PHTF2: variants seen among roughly 807,000 people sequenced by gnomAD.
PHTF2 encodes the protein protein PHTF2.
PHTF2 carries 60 observed loss-of-function variants against 101.2 expected under a neutral mutation model. The ratio of observed to expected loss-of-function variants is 0.59; its 90% CI spans 0.48 to 0.73. PHTF2 has a LOEUF of 0.73. PHTF2 is among the 30% of genes least tolerant of loss of function. PHTF2 has a pLI of 0.00. For synonymous variants in PHTF2, 311 were observed against 307.3 expected, an observed-to-expected ratio of 1.01 and a Z score of -0.13; for missense variants, 747 against 908.7, an observed-to-expected ratio of 0.82 and a Z score of 2.29.
chr7:77,826,231 G>A (rs1269820607), intron 1 of PHTF2, among the ~76,000 whole-genome samples: 2 of 152,134 alleles, frequency 1.3e-5, no homozygotes, highest in Admixed American at 6.5e-5. Context: ...AAAAATTCAA[G>A]ATGGCTGAAT....
chr7:77,913,172 G>T (rs1472223595), intron 9 of PHTF2, among the ~76,000 whole-genome samples: 1 of 152,084 alleles, frequency 6.6e-6, no homozygotes, highest in African/African-American at 2.4e-5. Flanking sequence ...TGGATCACCT[G>T]AGGTCAGGAG....
intron 5 of PHTF2, among the ~76,000 whole-genome samples, chr7:77,895,366 A>C (rs941852647): frequency 9.9e-5 from 15 of 152,134 alleles, no homozygotes; most frequent in African/African-American, 3.6e-4. Context: ...TAAAGAAGGA[A>C]AGAGAAGTAG....
intron 3 of PHTF2, among the ~76,000 whole-genome samples, chr7:77,867,678 A>G (rs964911713): frequency 3.2e-4 from 49 of 152,230 alleles, no homozygotes; most frequent in African/African-American, 1.2e-3. Context: ...GAAAGGGCGC[A>G]GCTAAGGAGT....
chr7:77,863,433 T>G (rs906481802), intron 3 of PHTF2, among the ~76,000 whole-genome samples: 12 of 152,184 alleles, frequency 7.9e-5, no homozygotes, highest in Non-Finnish European at 1.8e-4. Flanking sequence ...CTGTGACACT[T>G]TATTATATGG....
At chr7:77,909,056 T>G in intron 8 of PHTF2, 98 bp downstream of exon 7, 1 of 665,106 alleles carries the variant, frequency 1.5e-6, no homozygotes, top group Non-Finnish European at 2.3e-6. Flanking sequence ...AAATCTTATC[T>G]TGTAAGGTTG....
intron 1 of PHTF2, among the ~76,000 whole-genome samples, chr7:77,825,495 A>C (rs1210070515): frequency 6.6e-6 from 1 of 152,252 alleles, no homozygotes; most frequent in African/African-American, 2.4e-5. Context: ...GTTAAGGGCA[A>C]GAGCCAAAGC....
chr7:77,900,664 G>T (rs1299842163), intron 5 of PHTF2, 47 bp from the exon 5 acceptor site: 4 of 927,434 alleles, frequency 4.3e-6, no homozygotes, highest in Non-Finnish European at 7.2e-6. Flanking sequence ...TCCTGTTCTA[G>T]ATTTAAGTAT....
chr7:77,868,052 C>T (rs545638854), intron 3 of PHTF2, among the ~76,000 whole-genome samples: 2 of 152,076 alleles, frequency 1.3e-5, no homozygotes, highest in African/African-American at 4.8e-5. Flanking sequence ...TTTTTTCCCC[C>T]CATTCTATAT....
intron 3 of PHTF2, among the ~76,000 whole-genome samples, chr7:77,876,402 T>A (rs970019809): frequency 1.3e-5 from 2 of 152,234 alleles, no homozygotes; most frequent in African/African-American, 4.8e-5. Context: ...TCAATTTTTA[T>A]AAATGCGTCT....
chr7:77,821,124 C>T (rs370034519), intron 1 of PHTF2, among the ~76,000 whole-genome samples: 1,852 of 101,358 alleles, frequency 0.018, 15 homozygotes, highest in Middle Eastern at 0.046. Flanking sequence ...TCTTGGATGG[C>T]AGTTTTTTTT....
At position 77,840,007 on chromosome 7, in the gene PHTF2, T is replaced by C. The variant is rs565260441; in HGVS notation, c.-35-214T>C. 1.4e-5 allele frequency: 5 copies of C among 356,028 alleles called. No homozygotes were observed. In the East Asian group the frequency reaches 2.1e-4, roughly 15 times the overall value. 22.1% of individuals were successfully genotyped at this position (356,028 alleles called of 1,614,324 possible). On this transcript the variant is annotated intron_variant, in intron 1 of 19. Transcript: ENST00000416283. ...TTTGTAAGAAAACAAGTGTTATTTA[T>C]TCATGCAAATAGAACTTTCTATTAT...
intron 11 of PHTF2, among the ~76,000 whole-genome samples, chr7:77,928,126 C>A (rs1347842921): frequency 2.7e-5 from 4 of 148,466 alleles, no homozygotes; most frequent in Non-Finnish European, 5.9e-5. Context: ...AAAGGAAAGA[C>A]AAAAGGATAA....
intron 9 of PHTF2, among the ~76,000 whole-genome samples, chr7:77,919,615 GA>G (rs370541909): frequency 2.0e-5 from 3 of 150,960 alleles, no homozygotes; most frequent in African/African-American, 4.9e-5. Context: ...TTTATGTGTT[GA>G]AAAAAAAATT....
chr7:77,920,411 T>C (rs1265485119), exon 10 of PHTF2: 4 of 1,613,628 alleles, frequency 2.5e-6, no homozygotes, highest in Non-Finnish European at 3.4e-6. Context: ...GTGAAACTAT[T>C]CGACCAGAAG....
At chr7:77,926,781 C>T (rs1466756931) in intron 11 of PHTF2, among the ~76,000 whole-genome samples, 1 of 151,034 alleles carries the variant, frequency 6.6e-6, no homozygotes, top group Non-Finnish European at 1.5e-5. Flanking sequence ...CCCGCCTGTG[C>T]AACATGGCGA....
chr7:77,856,382 G>C (rs1797185229), intron 3 of PHTF2, among the ~76,000 whole-genome samples: 2 of 151,902 alleles, frequency 1.3e-5, no homozygotes, highest in Admixed American at 1.3e-4. Context: ...TAGAGACAGT[G>C]CCTTGCTCTG....
In PHTF2 at chr7:77,928,167, T is replaced by C. The variant is rs112035214; in HGVS notation, c.1120-942T>C. ...ATGCATTTTAAAGGTACATGACAAA[T>C]CTAGTCACAGAGGACAGCCAAAAAA... On this transcript the variant is annotated intron_variant, in intron 11 of 19. Transcript: ENST00000416283. Among the ~76,000 whole-genome samples the C allele has an allele frequency of 8.6e-5, 13 of 150,870 alleles. 1 individual carries two copies. The highest frequency in any genetic ancestry group is 2.9e-4 in the African/African-American group (12 of 40,856).
chr7:77,947,038 C>T (rs762746590), intron 16 of PHTF2, among the ~76,000 whole-genome samples: 32 of 151,520 alleles, frequency 2.1e-4, no homozygotes, highest in Non-Finnish European at 3.4e-4. Flanking sequence ...GAAGATCACC[C>T]GAGCCTTGGG....
At chr7:77,852,053 C>G (rs1431230247) in intron 2 of PHTF2, among the ~76,000 whole-genome samples, 2 of 151,964 alleles carry the variant, frequency 1.3e-5, no homozygotes, top group Non-Finnish European at 2.9e-5. Flanking sequence ...TGTGAGATAG[C>G]CTTGCTTTGT....
Sources: gnomAD v4.1 joint callset for allele counts (sites outside exome capture counted in the v4.1 genomes callset) on GRCh38, gnomAD v4.1.1 for gene constraint, MANE v1.5 for transcripts, NCBI Gene and HGNC (gene_info 2026-07-23, HGNC 2026-07-21) for gene names.